The following JPH4 variants were observed in gnomAD, a reference collection of about 807,000 sequenced individuals.
The protein encoded by JPH4 is junctophilin 4, also known as junctophilin-4.
Under a neutral mutation model 57.6 loss-of-function variants are expected in JPH4, and 18 were observed. The ratio of observed to expected loss-of-function variants is 0.31; its 90% CI spans 0.22 to 0.46. The LOEUF (loss-of-function observed/expected upper bound fraction) is 0.46, where lower values mean the gene tolerates loss of function less well. JPH4 is among the 20% of genes least tolerant of loss of function. The probability of loss-of-function intolerance (pLI) is 1.00; values close to 1 mark genes in which losing one functional copy is unlikely to be tolerated. For synonymous variants in JPH4, 425 were observed against 406.6 expected, an observed-to-expected ratio of 1.05 and a Z score of -0.54; for missense variants, 727 against 911.1, an observed-to-expected ratio of 0.80 and a Z score of 2.60.
chr14:23,568,805 T>C lies in JPH4; in HGVS notation c.*829A>G, dbSNP rs1196861249. 1.0e-6 allele frequency: 1 copy of C among 985,550 alleles called. No homozygotes were observed. Among genetic ancestry groups the C allele is most frequent in the African/African-American group, 1.8e-5 (1 of 57,106 alleles). 61.1% of individuals were successfully genotyped at this position (985,550 alleles called of 1,614,324 possible). A position where few individuals can be genotyped will look rare whatever the true frequency, so the allele number is the denominator to read the frequency against. ...AGTCCAGACCAACCAAATAAACTAT[T>C]ATGGGGGAGACAGAAGGGTGGGAGA... On this transcript the variant is annotated 3_prime_UTR_variant, in exon 6 of 6. Transcript: ENST00000356300.
Position 23,576,971 on chromosome 14 carries a change from G to T in JPH4, c.379+104C>A. ...CACATCGATGGGGAATGGTGGCGGG[G>T]GAAAGAAGGATGGGCGCAAGGGCGC... On this transcript the variant is annotated intron_variant, in intron 2 of 5. Coordinates refer to ENST00000356300, the MANE Select transcript of JPH4 (RefSeq NM_001146028.2). The surrounding 1 kb of genome is among the most constrained non-coding windows in gnomAD (Gnocchi z 8.0). 7.6e-7 allele frequency: 1 copy of T among 1,319,020 alleles called. No individual in the cohort carries two copies. The highest frequency in any genetic ancestry group is 3.1e-5 in the Admixed American group (1 of 32,502). 81.7% of individuals were successfully genotyped at this position (1,319,020 alleles called of 1,614,324 possible).
chr14:23,577,361 C>A lies in JPH4; in HGVS notation c.93G>T (p.Thr31=), dbSNP rs778863763. 1.4e-5 allele frequency: 22 copies of A among 1,520,384 alleles called. No homozygotes were observed. Among genetic ancestry groups the A allele is most frequent in the African/African-American group, 5.6e-5 (4 of 71,006 alleles). The allele number at this position is 1,520,384 out of a possible 1,614,324, so 94.2% of individuals were successfully genotyped here. A position where few individuals can be genotyped will look rare whatever the true frequency, so the allele number is the denominator to read the frequency against. ...TGTACTCGCCCTGGGCGCCGGGGCC[C>A]GTGCACACGCCGTAGCCATGTGCCC... is the stretch of plus-strand genomic sequence containing the variant. ...AGRAHGYGVC[T]GPGAQGEYSG... The change falls in exon 2 of 6, where the codon ACG becomes ACT. Residue 31 remains threonine (T), a synonymous_variant. Coordinates refer to ENST00000356300, the MANE Select transcript of JPH4 (RefSeq NM_001146028.2). The surrounding 1 kb of genome is among the most constrained non-coding windows in gnomAD (Gnocchi z 8.4).
chr14:23,569,493 A>G lies in JPH4; in HGVS notation c.*141T>C. The G allele has an allele frequency of 1.5e-6, 1 of 683,768 alleles. No homozygotes were observed. The allele number at this position is 683,768 out of a possible 1,614,324, so 42.4% of individuals were successfully genotyped here. On this transcript the variant is annotated 3_prime_UTR_variant, in exon 6 of 6. Coordinates refer to ENST00000356300, the MANE Select transcript of JPH4 (RefSeq NM_001146028.2). This position sits in a 1 kb window ranked among gnomAD's most constrained non-coding sequence, Gnocchi z 4.8. Reference sequence around the variant, plus strand: ...AGGGAAAGAAAAAGCGAGAGAAAAAAACAAAGGAGCACAGAAAAGAAAGGA... The same window carrying G: ...AGGGAAAGAAAAAGCGAGAGAAAAAGACAAAGGAGCACAGAAAAGAAAGGA...
At position 23,575,463 on chromosome 14, in the gene JPH4, A is replaced by G; in HGVS notation, c.1151+222T>C. ...CGAGACACATTTACAGTCTTACACC[A>G]TCTCCCTCAAATACCCAGCTATCCA... On this transcript the variant is annotated intron_variant, in intron 3 of 5. Coordinates refer to ENST00000356300, the MANE Select transcript of JPH4 (RefSeq NM_001146028.2). The surrounding 1 kb of genome is among the most constrained non-coding windows in gnomAD (Gnocchi z 6.9). 1 of 602,386 alleles carries G rather than the reference A, an allele frequency of 1.7e-6. No individual in the cohort carries two copies. Among genetic ancestry groups the G allele is most frequent in the Non-Finnish European group, 3.0e-6 (1 of 338,714 alleles). 37.3% of individuals were successfully genotyped at this position (602,386 alleles called of 1,614,324 possible). A position where few individuals can be genotyped will look rare whatever the true frequency, so the allele number is the denominator to read the frequency against.
In JPH4 at chr14:23,577,465, G is replaced by A. The variant is rs1196132278; in HGVS notation, c.-12C>T. ...CCCCCGGGGGACATGCATGTAGTTG[G>A]CGCGGCCTCAGCCCCCCGGCGGCTC... On this transcript the variant is annotated 5_prime_UTR_variant, in exon 2 of 6. Coordinates refer to ENST00000356300, the MANE Select transcript of JPH4 (RefSeq NM_001146028.2). This position sits in a 1 kb window ranked among gnomAD's most constrained non-coding sequence, Gnocchi z 8.4. 8 of 1,403,456 alleles carry A rather than the reference G, an allele frequency of 5.7e-6. No individual in the cohort carries two copies. The Admixed American group carries it at 2.1e-4, about 36-fold the overall frequency. The allele number at this position is 1,403,456 out of a possible 1,614,324, so 86.9% of individuals were successfully genotyped here.
chr14:23,571,230 C>G lies in JPH4; in HGVS notation c.1501G>C (p.Gly501Arg), dbSNP rs771757467. The change falls in exon 5 of 6, where the codon GGG (glycine) becomes CGG (arginine). Residue 501 changes from glycine (G) to arginine (R), a missense_variant. Around this residue, in one of 7 missense-constraint regions of JPH4, gnomAD observed 293 missense variants for 279.8 expected, o/e 1.05. Transcript: ENST00000356300. This position sits in a 1 kb window ranked among gnomAD's most constrained non-coding sequence, Gnocchi z 4.6. Reference sequence around the variant, plus strand: ...AGTTCCTCTGCCTGTGCGCCTGCCCCCCCCCACTCCTCAGGCCAAGCTTTG... The same window carrying G: ...AGTTCCTCTGCCTGTGCGCCTGCCCGCCCCCACTCCTCAGGCCAAGCTTTG... ...SPKAWPEEWG[G>R]AGAQAEELAG... is the part of the protein sequence containing the mutation. The G allele has an allele frequency of 2.6e-5, 42 of 1,612,080 alleles. No homozygotes were observed. The highest frequency in any genetic ancestry group is 6.7e-5 in the East Asian group (3 of 44,872).
Position 23,576,275 on chromosome 14 carries a change from G to C in JPH4, c.561C>G (p.Pro187=). 7.9e-7 allele frequency: 1 copy of C among 1,264,848 alleles called. No individual in the cohort carries two copies. The highest frequency in any genetic ancestry group is 9.9e-7 in the Non-Finnish European group (1 of 1,006,860). 78.4% of individuals were successfully genotyped at this position (1,264,848 alleles called of 1,614,324 possible). Residue 187 remains proline, a synonymous_variant, in exon 3 of 6, where the codon CCC becomes CCG. Transcript: ENST00000356300. This position sits in a 1 kb window ranked among gnomAD's most constrained non-coding sequence, Gnocchi z 8.0. ...LPLPGDEGGS[P]ASGSRGGFVL... is the part of the protein sequence containing the mutation. ...CGAAGCCGCCCCGGGAGCCCGAGGC[G>C]GGGCTGCCTCCCTCGTCGCCCGGCA...
Position 23,570,910 on chromosome 14 carries a change from A to AG in JPH4, c.1803+17dup, listed in dbSNP as rs751142149. On this transcript the variant is annotated intron_variant, in intron 5 of 5. Transcript: ENST00000356300. ...GCTTTGGGAGAAGAGGGCACACAGC[A>AG]GGGACAGAGGATCTCACCGGCTGGG... The AG allele has an allele frequency of 2.7e-6, 4 of 1,501,278 alleles. No individual in the cohort carries two copies. Among genetic ancestry groups the AG allele is most frequent in the Middle Eastern group, 1.8e-4 (1 of 5,550 alleles). The allele number at this position is 1,501,278 out of a possible 1,614,324, so 93.0% of individuals were successfully genotyped here.
At chr14:23,574,854 A>G in intron 3 of JPH4, 1 of 219,888 alleles carries the variant, frequency 4.5e-6, no homozygotes, top group Non-Finnish European at 8.8e-6. Flanking sequence ...GGATCTTGCT[A>G]TGTTGCCCAG....
At chr14:23,570,906 C>G in intron 5 of JPH4, 22 bp downstream of exon 5, 1 of 1,499,022 alleles carries the variant, frequency 6.7e-7, no homozygotes, top group Middle Eastern at 1.8e-4. Context: ...AGAGGGCACA[C>G]AGCAGGGACA....
In JPH4 at chr14:23,576,010, C is replaced by T; in HGVS notation, c.826G>A (p.Gly276Ser). The change falls in exon 3 of 6, where the codon GGC (glycine) becomes AGC (serine). Residue 276 changes from glycine (G) to serine (S), a missense_variant. Transcript: ENST00000356300. This position sits in a 1 kb window ranked among gnomAD's most constrained non-coding sequence, Gnocchi z 8.0. Reference protein sequence around the residue: ...PAAAPPALIEGSATEVYAGEW... With the variant: ...PAAAPPALIESSATEVYAGEW... ...CCCGCGTACACCTCTGTGGCCGAGC[C>T]CTCGATGAGGGCGGGCGGCGCTGCG... The T allele has an allele frequency of 7.0e-7, 1 of 1,419,240 alleles. No individual in the cohort carries two copies. Among genetic ancestry groups the T allele is most frequent in the Non-Finnish European group, 9.1e-7 (1 of 1,094,912 alleles). 87.9% of individuals were successfully genotyped at this position (1,419,240 alleles called of 1,614,324 possible).
In JPH4 at chr14:23,576,296, C is replaced by T. The variant is rs1044389038; in HGVS notation, c.540G>A (p.Pro180=). 2.4e-5 allele frequency: 31 copies of T among 1,267,110 alleles called. No homozygotes were observed. In the Admixed American group the frequency reaches 2.5e-4, roughly 10 times the overall value. 78.5% of individuals were successfully genotyped at this position (1,267,110 alleles called of 1,614,324 possible). A position where few individuals can be genotyped will look rare whatever the true frequency, so the allele number is the denominator to read the frequency against. Reference sequence around the variant, plus strand: ...AGGCGGGGCTGCCTCCCTCGTCGCCCGGCAAGGGCAGGGGCGGGGGTGGCG... The same window carrying T: ...AGGCGGGGCTGCCTCCCTCGTCGCCTGGCAAGGGCAGGGGCGGGGGTGGCG... ...PPTPPPPLPL[P]GDEGGSPASG... Residue 180 remains proline (P), a synonymous_variant, in exon 3 of 6, where the codon CCG becomes CCA. Coordinates refer to ENST00000356300, the MANE Select transcript of JPH4 (RefSeq NM_001146028.2). This position sits in a 1 kb window ranked among gnomAD's most constrained non-coding sequence, Gnocchi z 8.0.
intron 3 of JPH4, among the ~76,000 whole-genome samples, chr14:23,573,937 A>AACACACACACACACAC (rs35127620): frequency 5.4e-4 from 78 of 143,182 alleles, no homozygotes; most frequent in African/African-American, 1.7e-3. Flanking sequence ...CTCTCTCTGT[A>AACACACACACACACAC]ACACACACAC....
At position 23,575,487 on chromosome 14, in the gene JPH4, C is replaced by T; in HGVS notation, c.1151+198G>A. On this transcript the variant is annotated intron_variant, in intron 3 of 5. Coordinates refer to ENST00000356300, the MANE Select transcript of JPH4 (RefSeq NM_001146028.2). This position sits in a 1 kb window ranked among gnomAD's most constrained non-coding sequence, Gnocchi z 6.9. ...CATCTCCCTCAAATACCCAGCTATC[C>T]AGAGTTACACCCACATCCACCTGTA... 3.1e-6 allele frequency: 2 copies of T among 645,190 alleles called. No individual in the cohort carries two copies. Among genetic ancestry groups the T allele is most frequent in the South Asian group, 1.9e-5 (1 of 51,408 alleles). The allele number at this position is 645,190 out of a possible 1,614,324, so 40.0% of individuals were successfully genotyped here. A position where few individuals can be genotyped will look rare whatever the true frequency, so the allele number is the denominator to read the frequency against.
At chr14:23,570,881 C>G in intron 5 of JPH4, 47 bp downstream of exon 5, 1 of 1,463,146 alleles carries the variant, frequency 6.8e-7, no homozygotes, top group South Asian at 1.5e-5. Context: ...GGGTGGGAGG[C>G]AAGGCTTTGG....
At position 23,571,762 on chromosome 14, in the gene JPH4, AG is replaced by A; in HGVS notation, c.1270+39del. ...CACACCTGAGCCTCTCTAGCTCCCT[AG>A]GGGCCTCACTGCCCTCCCCCCAGCT... On this transcript the variant is annotated intron_variant, in intron 4 of 5. Transcript: ENST00000356300. This position sits in a 1 kb window ranked among gnomAD's most constrained non-coding sequence, Gnocchi z 4.6. 1 of 1,551,316 alleles carries A rather than the reference AG, an allele frequency of 6.4e-7. No homozygotes were observed.
intron 5 of JPH4, among the ~76,000 whole-genome samples, chr14:23,570,026 G>A (rs577984891): frequency 6.6e-6 from 1 of 152,148 alleles, no homozygotes; most frequent in African/African-American, 2.4e-5. Context: ...GCAGCAGCCA[G>A]TACTGCAGTA....
In JPH4 at chr14:23,577,440, C is replaced by G; in HGVS notation, c.14G>C (p.Gly5Ala). Reference sequence around the variant, plus strand: ...GCCCCCGTCGTCAAAGTCGAACTTGCCCCCGGGGGACATGCATGTAGTTGG... The same window carrying G: ...GCCCCCGTCGTCAAAGTCGAACTTGGCCCCGGGGGACATGCATGTAGTTGG... MSPG[G>A]KFDFDDGGCY... is the part of the protein sequence containing the mutation. The change falls in exon 2 of 6, where the codon GGC becomes GCC. Residue 5 changes from glycine (G) to alanine (A), a missense_variant. By Grantham distance (60) the Gly-to-Ala change is moderately conservative. Around this residue, in one of 7 missense-constraint regions of JPH4, gnomAD observed 83 missense variants for 135.4 expected, o/e 0.61. Transcript: ENST00000356300. The surrounding 1 kb of genome is among the most constrained non-coding windows in gnomAD (Gnocchi z 8.4). 1 of 1,433,374 alleles carries G rather than the reference C, an allele frequency of 7.0e-7. No individual in the cohort carries two copies. Among genetic ancestry groups the G allele is most frequent in the Non-Finnish European group, 9.1e-7 (1 of 1,095,724 alleles). The allele number at this position is 1,433,374 out of a possible 1,614,324, so 88.8% of individuals were successfully genotyped here. A position where few individuals can be genotyped will look rare whatever the true frequency, so the allele number is the denominator to read the frequency against.
At position 23,576,603 on chromosome 14, in the gene JPH4, C is replaced by T; in HGVS notation, c.380-147G>A. The T allele has an allele frequency of 6.2e-6, 4 of 646,982 alleles. No homozygotes were observed. The South Asian group carries it at 1.3e-4, about 21-fold the overall frequency. The allele number at this position is 646,982 out of a possible 1,614,324, so 40.1% of individuals were successfully genotyped here. A position where few individuals can be genotyped will look rare whatever the true frequency, so the allele number is the denominator to read the frequency against. On this transcript the variant is annotated intron_variant, in intron 2 of 5. Transcript: ENST00000356300. This position sits in a 1 kb window ranked among gnomAD's most constrained non-coding sequence, Gnocchi z 8.0. Reference sequence around the variant, plus strand: ...GGAGGTCGGGGAAGGGCACTGGGAGCCGGGAACAGGCCAGGCTGGGCCGGA... The same window carrying T: ...GGAGGTCGGGGAAGGGCACTGGGAGTCGGGAACAGGCCAGGCTGGGCCGGA...
Sources: gnomAD v4.1 joint callset for allele counts (sites outside exome capture counted in the v4.1 genomes callset) on GRCh38, gnomAD v4.1.1 for gene constraint, gnomAD v4.1.1 regional missense constraint, Gnocchi (gnomAD v3.1) non-coding constraint, MANE v1.5 for transcripts, NCBI Gene and HGNC (gene_info 2026-07-23, HGNC 2026-07-21) for gene names.